The following ADGRD1 variants were observed in gnomAD, a reference collection of about 807,000 sequenced individuals.
ADGRD1 encodes G-protein coupled receptor 133.
In ADGRD1, 77 loss-of-function variants were observed where a neutral mutation model predicts 113.4. That is an observed-to-expected ratio of 0.68 (90% CI 0.57 to 0.82). The LOEUF (loss-of-function observed/expected upper bound fraction) is 0.82. ADGRD1 is among the 40% of genes least tolerant of loss of function. The probability of loss-of-function intolerance (pLI) is 0.00; values close to 1 mark genes in which losing one functional copy is unlikely to be tolerated. For missense variants in ADGRD1, 1,036 were observed against 1,139.1 expected, an observed-to-expected ratio of 0.91 and a Z score of 1.30; for synonymous variants, 474 against 475.0, an observed-to-expected ratio of 1.00 and a Z score of 0.03.
intron 13 of ADGRD1, among the ~76,000 whole-genome samples, chr12:131,071,499 G>A (rs375700224): frequency 1.3e-3 from 202 of 152,228 alleles, no homozygotes; most frequent in African/African-American, 4.1e-3. Flanking sequence ...TTAAGGGGGC[G>A]GGGTCCCTGT....
chr12:131,134,310 T>A (rs554383958), intron 21 of ADGRD1, among the ~76,000 whole-genome samples: 1 of 152,174 alleles, frequency 6.6e-6, no homozygotes, highest in Non-Finnish European at 1.5e-5. Context: ...CTCCTTCAGA[T>A]CCAGGGACCC....
intron 13 of ADGRD1, among the ~76,000 whole-genome samples, chr12:131,046,225 C>G (rs201079335): frequency 3.1e-4 from 25 of 80,146 alleles, no homozygotes; most frequent in East Asian, 5.4e-4. Flanking sequence ...AGTGTCCTCC[C>G]TGGTCAGTGC....
intron 13 of ADGRD1, among the ~76,000 whole-genome samples, chr12:131,038,441 C>T (rs970726770): frequency 1.1e-4 from 16 of 152,254 alleles, no homozygotes; most frequent in African/African-American, 3.9e-4. Flanking sequence ...GACACTCCTC[C>T]CACAAGGGAA....
intron 2 of ADGRD1, among the ~76,000 whole-genome samples, chr12:130,961,519 C>T (rs1408417448): frequency 2.6e-5 from 4 of 152,010 alleles, no homozygotes; most frequent in Admixed American, 2.0e-4. Flanking sequence ...TCAAATGGGC[C>T]ATGGTTTTGC....
chr12:131,110,645 G>A (rs1950328100), intron 18 of ADGRD1, among the ~76,000 whole-genome samples: 1 of 152,138 alleles, frequency 6.6e-6, no homozygotes, highest in African/African-American at 2.4e-5. Context: ...TTAACCTTCT[G>A]ATTTCCATTT....
chr12:131,099,147 G>T (rs536938334), intron 15 of ADGRD1, among the ~76,000 whole-genome samples: 57 of 152,324 alleles, frequency 3.7e-4, no homozygotes, highest in African/African-American at 1.3e-3. Context: ...CAGTCGACCT[G>T]TCTTCATGGA....
chr12:131,033,460 G>A (rs900153328), intron 13 of ADGRD1, among the ~76,000 whole-genome samples: 1 of 152,260 alleles, frequency 6.6e-6, no homozygotes, highest in Admixed American at 6.5e-5. Flanking sequence ...CGCTCAGAGC[G>A]TGGCATGCAG....
rs138871483 is a variant in ADGRD1, at chr12:131,123,779, G to A, written c.2175+2866G>A. ...GGGTCTTGCAGTGAGCCGAGATTGC[G>A]CCACTGCACTCCATCCAGCCTGGGC... On this transcript the variant is annotated intron_variant, in intron 20 of 24. Transcript: ENST00000261654. Among the ~76,000 whole-genome samples, 173 of 149,646 alleles carry A rather than the reference G, an allele frequency of 1.2e-3. 2 individuals carry two copies. The highest frequency in any genetic ancestry group is 6.1e-3 in the East Asian group (30 of 4,954).
intron 13 of ADGRD1, among the ~76,000 whole-genome samples, chr12:131,055,769 G>A (rs1237652385): frequency 6.6e-6 from 1 of 152,222 alleles, no homozygotes; most frequent in Non-Finnish European, 1.5e-5. Context: ...GACAGCCACA[G>A]AGCTTCACAG....
intron 13 of ADGRD1, among the ~76,000 whole-genome samples, chr12:131,031,913 C>G (rs1224544098): frequency 6.6e-6 from 1 of 152,218 alleles, no homozygotes; most frequent in Non-Finnish European, 1.5e-5. Context: ...CTGTGGGAAG[C>G]TGGGGAGCCA....
In ADGRD1 at chr12:131,003,436, C is replaced by T; in HGVS notation, c.1144+134C>T. The T allele has an allele frequency of 1.4e-6, 1 of 693,528 alleles. No homozygotes were observed. The highest frequency in any genetic ancestry group is 2.6e-6 in the Non-Finnish European group (1 of 391,642). The allele number at this position is 693,528 out of a possible 1,614,324, so 43.0% of individuals were successfully genotyped here. ...TGACTGCTCTGCCTGGCACAAACCA[C>T]ATTTGGAAGGAAAACCCGTGGTCAG... On this transcript the variant is annotated intron_variant, in intron 10 of 24. Coordinates refer to ENST00000261654, the MANE Select transcript of ADGRD1 (RefSeq NM_198827.5). The surrounding 1 kb of genome is among the most constrained non-coding windows in gnomAD (Gnocchi z 4.8).
At position 130,954,211 on chromosome 12, in the gene ADGRD1, C is replaced by T. The variant is rs1265384922; in HGVS notation, c.-255C>T. On this transcript the variant is annotated 5_prime_UTR_variant, in exon 1 of 25. Transcript: ENST00000261654. This position sits in a 1 kb window ranked among gnomAD's most constrained non-coding sequence, Gnocchi z 4.7. ...GCGAGTCGGGTTTGGGTTTCTCCTC[C>T]CTGCATTCCACAGCTGCTCTGGTCA... 5.0e-6 allele frequency: 2 copies of T among 398,036 alleles called. No homozygotes were observed. The highest frequency in any genetic ancestry group is 4.1e-5 in the African/African-American group (2 of 48,508). The allele number at this position is 398,036 out of a possible 1,614,324, so 24.7% of individuals were successfully genotyped here. A position where few individuals can be genotyped will look rare whatever the true frequency, so the allele number is the denominator to read the frequency against.
intron 24 of ADGRD1, among the ~76,000 whole-genome samples, chr12:131,138,855 G>A (rs139471858): frequency 1.3e-3 from 197 of 152,340 alleles, no homozygotes; most frequent in African/African-American, 3.9e-3. Context: ...TGAACGCAGC[G>A]TGGACAGATG....
In ADGRD1 at chr12:131,136,923, AACTAC is replaced by A. The variant is rs771369383; in HGVS notation, c.2395-49_2395-45del. On this transcript the variant is annotated intron_variant, in intron 22 of 24. Coordinates refer to ENST00000261654, the MANE Select transcript of ADGRD1 (RefSeq NM_198827.5). Reference sequence around the variant, plus strand: ...CATGGGAGGAACCTCCAGTGTTCCTAACTACGTGCAAAGGGCTCTAATCTCTGCGT... The same window carrying A: ...CATGGGAGGAACCTCCAGTGTTCCTAGTGCAAAGGGCTCTAATCTCTGCGT... 5 of 1,462,466 alleles carry A rather than the reference AACTAC, an allele frequency of 3.4e-6. No homozygotes were observed. The African/African-American group carries it at 7.0e-5, about 20-fold the overall frequency. 90.6% of individuals were successfully genotyped at this position (1,462,466 alleles called of 1,614,324 possible).
chr12:130,979,817 TCACACA>T (rs10526212), intron 4 of ADGRD1, among the ~76,000 whole-genome samples: 1,030 of 53,920 alleles, frequency 0.019, 20 homozygotes, highest in African/African-American at 0.03. Flanking sequence ...AGCTAGTGTC[TCACACA>T]CACACACACA....
At chr12:130,997,814 G>A (rs1467661317) in intron 8 of ADGRD1, among the ~76,000 whole-genome samples, 1 of 152,214 alleles carries the variant, frequency 6.6e-6, no homozygotes, top group African/African-American at 2.4e-5. Context: ...CGGCCGGGCA[G>A]AGGCTGCAAT....
chr12:131,121,134 G>A (rs1417652802), intron 20 of ADGRD1, among the ~76,000 whole-genome samples: 1 of 152,212 alleles, frequency 6.6e-6, no homozygotes, highest in African/African-American at 2.4e-5. Context: ...TCCACTCGAG[G>A]CCCCAGGGCT....
intron 8 of ADGRD1, among the ~76,000 whole-genome samples, chr12:130,997,947 A>G (rs1400702006): frequency 6.6e-6 from 1 of 152,174 alleles, no homozygotes; most frequent in Non-Finnish European, 1.5e-5. Context: ...ACCGTCTGCA[A>G]TCCCCGCACC....
intron 13 of ADGRD1, among the ~76,000 whole-genome samples, chr12:131,046,493 C>T (rs1475205183): frequency 7.2e-6 from 1 of 139,336 alleles, no homozygotes; most frequent in Non-Finnish European, 1.5e-5. Context: ...TGGTCAGTGT[C>T]CTCCCTGGTC....
Sources: gnomAD v4.1 joint callset for allele counts (sites outside exome capture counted in the v4.1 genomes callset) on GRCh38, gnomAD v4.1.1 for gene constraint, Gnocchi (gnomAD v3.1) non-coding constraint, MANE v1.5 for transcripts, NCBI Gene and HGNC (gene_info 2026-07-23, HGNC 2026-07-21) for gene names.